The following SMARCA4 variants were observed in gnomAD, a reference collection of about 807,000 sequenced individuals.
The protein encoded by SMARCA4 is SWI/SNF related BAF chromatin remodeling complex subunit ATPase 4.
Under a neutral mutation model 193.9 loss-of-function variants are expected in SMARCA4, and 31 were observed. That is an observed-to-expected ratio of 0.16 (90% CI 0.12 to 0.22). The LOEUF (loss-of-function observed/expected upper bound fraction) is 0.22. Ranked by LOEUF, SMARCA4 falls within the 10% of genes least tolerant of loss-of-function variation. The pLI, the probability that SMARCA4 is intolerant of heterozygous loss-of-function variation, is 1.00. For synonymous variants in SMARCA4, 942 were observed against 933.1 expected (o/e 1.01, Z -0.17); for missense variants, 1,148 against 2,296.0 (o/e 0.50, Z 10.22).
intron 1 of SMARCA4, among the ~76,000 whole-genome samples, chr19:10,980,379 C>T (rs1029310103): frequency 2.6e-5 from 4 of 152,070 alleles, no homozygotes; most frequent in Admixed American, 1.3e-4. Flanking sequence ...TCTGTTTTTC[C>T]GTTGACAAAG....
In SMARCA4 at chr19:10,964,106, T is replaced by C. The variant is rs112572648; in HGVS notation, c.-32+2932T>C. ...AGAATTGTGATATAGGGCAGTGCAG[T>C]GGTCTCTAAACTTCTTGTCAGTGAG... On this transcript the variant is annotated intron_variant, in intron 1 of 34. Transcript: ENST00000344626. Among the ~76,000 whole-genome samples the C allele has an allele frequency of 3.7e-3, 561 of 152,228 alleles. 7 individuals carry two copies. Among genetic ancestry groups the C allele is most frequent in the African/African-American group, 0.013 (522 of 41,534 alleles).
chr19:10,989,250 A>C (rs1316467500), intron 6 of SMARCA4, 67 bp from the exon 7 acceptor site: 1 of 1,602,074 alleles, frequency 6.2e-7, no homozygotes, highest in African/African-American at 1.3e-5. Context: ...GGTCCCCTGC[A>C]GCTCCAGCTG....
At chr19:11,012,717 C>G (rs1056685463) in intron 15 of SMARCA4, 4 of 578,604 alleles carry the variant, frequency 6.9e-6, no homozygotes, top group African/African-American at 1.8e-5. Flanking sequence ...TCACACGTGT[C>G]CATCGTTCGC....
chr19:11,035,415 C>T (rs1367719337), intron 29 of SMARCA4, among the ~76,000 whole-genome samples: 1 of 152,222 alleles, frequency 6.6e-6, no homozygotes, highest in African/African-American at 2.4e-5. Flanking sequence ...TACCTCTTCC[C>T]GAGGTTAAAA....
intron 11 of SMARCA4, among the ~76,000 whole-genome samples, chr19:11,001,340 G>A (rs978266495): frequency 1.3e-5 from 2 of 152,222 alleles, no homozygotes; most frequent in Admixed American, 6.5e-5. Flanking sequence ...ATGGTGGTGT[G>A]CACTTGCGGT....
rs754815286 is a variant in SMARCA4, at chr19:10,984,358, G to T, written c.207G>T (p.Met69Ile). ...CTGGAGGGTACCCTCAGGACAACATGCACCAGATGCACAAGGTAGGGATCC... is the reference window on the plus strand; with the variant it reads ...CTGGAGGGTACCCTCAGGACAACATTCACCAGATGCACAAGGTAGGGATCC... ...QGPGGYPQDN[M>I]HQMHKPMESM... Residue 69 changes from methionine to isoleucine, a missense_variant, in exon 2 of 35, where the codon ATG becomes ATT. Around this residue, in one of 17 missense-constraint regions of SMARCA4, gnomAD observed 201 missense variants for 248.3 expected, o/e 0.81. Coordinates refer to ENST00000344626, the MANE Select transcript of SMARCA4 (RefSeq NM_003072.5). This position sits in a 1 kb window ranked among gnomAD's most constrained non-coding sequence, Gnocchi z 4.3. The T allele has an allele frequency of 6.9e-6, 11 of 1,589,492 alleles. No homozygotes were observed. The highest frequency in any genetic ancestry group is 9.4e-6 in the Non-Finnish European group (11 of 1,167,856).
chr19:11,061,198 A>AT (rs1265933150), intron 34 of SMARCA4, among the ~76,000 whole-genome samples: 19 of 76,216 alleles, frequency 2.5e-4, no homozygotes, highest in Admixed American at 4.5e-4. Flanking sequence ...TAAAAAAAAA[A>AT]AAAAAAATAT....
At position 11,017,348 on chromosome 19, in the gene SMARCA4, A is replaced by C. The variant is rs535223437; in HGVS notation, c.2439-1609A>C. Among the ~76,000 whole-genome samples the C allele has an allele frequency of 2.2e-4, 34 of 152,334 alleles. No individual in the cohort carries two copies. The South Asian group carries it at 4.3e-3, about 19-fold the overall frequency. ...AGTCAGATTCCATTTCCAGGGTGATAGAGGTCACCTTCTTCCCCTACTTCA... is the reference window on the plus strand; with the variant it reads ...AGTCAGATTCCATTTCCAGGGTGATCGAGGTCACCTTCTTCCCCTACTTCA... On this transcript the variant is annotated intron_variant, in intron 16 of 34. Transcript: ENST00000344626.
At chr19:11,014,785 C>T (rs1276637999) in intron 16 of SMARCA4, among the ~76,000 whole-genome samples, 2 of 152,004 alleles carry the variant, frequency 1.3e-5, no homozygotes, top group African/African-American at 4.8e-5. Context: ...TTTTTTTAAA[C>T]TTTTCATTTT....
At chr19:11,007,258 C>T (rs568172069) in intron 13 of SMARCA4, among the ~76,000 whole-genome samples, 4 of 152,006 alleles carry the variant, frequency 2.6e-5, no homozygotes, top group South Asian at 2.1e-4. Flanking sequence ...AGTGAAACCC[C>T]GTCTCTACTA....
Position 10,984,216 on chromosome 19 carries a change from C to T in SMARCA4, c.65C>T (p.Pro22Leu), listed in dbSNP as rs1227659334. The T allele has an allele frequency of 6.2e-7, 1 of 1,612,622 alleles. No individual in the cohort carries two copies. The highest frequency in any genetic ancestry group is 1.3e-5 in the African/African-American group (1 of 74,910). Residue 22 changes from proline (P) to leucine (L), a missense_variant, in exon 2 of 35, where the codon CCT becomes CTT. Pro to Leu is a moderately conservative substitution (Grantham distance 98, BLOSUM62 -3). Transcript: ENST00000344626. The surrounding 1 kb of genome is among the most constrained non-coding windows in gnomAD (Gnocchi z 4.3). ...PRPGPSPGPG[P>L]SPGAMLGPSP... The stretch of plus-strand genomic sequence containing the variant: ...CCAGGTCCTTCCCCGGGCCCTGGCC[C>T]TTCCCCTGGAGCCATGCTGGGCCCT...
At position 11,041,104 on chromosome 19, in the gene SMARCA4, G is replaced by T; in HGVS notation, c.4171-203G>T. On this transcript the variant is annotated intron_variant, in intron 29 of 34. Coordinates refer to ENST00000344626, the MANE Select transcript of SMARCA4 (RefSeq NM_003072.5). The surrounding 1 kb of genome is among the most constrained non-coding windows in gnomAD (Gnocchi z 5.6). Reference sequence around the variant, plus strand: ...GACAAGCTTGGGTGGGGTGCCTGCTGGGGGCAGTGCTGGTCTTTCACTGCA... The same window carrying T: ...GACAAGCTTGGGTGGGGTGCCTGCTTGGGGCAGTGCTGGTCTTTCACTGCA... 1 of 577,476 alleles carries T rather than the reference G, an allele frequency of 1.7e-6. No homozygotes were observed. Among genetic ancestry groups the T allele is most frequent in the East Asian group, 2.8e-5 (1 of 35,184 alleles). The allele number at this position is 577,476 out of a possible 1,614,324, so 35.8% of individuals were successfully genotyped here.
At chr19:11,037,603 C>T (rs1034692516) in intron 29 of SMARCA4, among the ~76,000 whole-genome samples, 8 of 152,126 alleles carry the variant, frequency 5.3e-5, no homozygotes, top group Non-Finnish European at 1.0e-4. Flanking sequence ...TTTTCGCTTC[C>T]GTGATATCCG....
chr19:10,992,245 G>A (rs2086623317), intron 8 of SMARCA4, among the ~76,000 whole-genome samples: 1 of 151,266 alleles, frequency 6.6e-6, no homozygotes, highest in South Asian at 2.1e-4. Context: ...CCTAGTAGCT[G>A]GGATTACAGG....
intron 29 of SMARCA4, chr19:11,040,008 A>T (rs2065821290): frequency 6.6e-6 from 1 of 152,242 alleles, no homozygotes; most frequent in African/African-American, 2.4e-5. Flanking sequence ...TTGAACCAGG[A>T]AGGTGGAGGT....
chr19:11,017,997 C>T (rs759457386), intron 16 of SMARCA4, among the ~76,000 whole-genome samples: 1 of 152,254 alleles, frequency 6.6e-6, no homozygotes, highest in Non-Finnish European at 1.5e-5. Flanking sequence ...CACGCTTCTT[C>T]AGGAACTCTC....
Position 10,987,230 on chromosome 19 carries a change from G to C in SMARCA4, c.859+227G>C, listed in dbSNP as rs890670839. Among the ~76,000 whole-genome samples the C allele has an allele frequency of 2.6e-5, 4 of 152,174 alleles. No individual in the cohort carries two copies. Among genetic ancestry groups the C allele is most frequent in the Non-Finnish European group, 4.4e-5 (3 of 68,024 alleles). On this transcript the variant is annotated intron_variant, in intron 5 of 34. Transcript: ENST00000344626. The surrounding 1 kb of genome is among the most constrained non-coding windows in gnomAD (Gnocchi z 5.3). ...CTTGTGGCCTTCACCCAGTCCCTGAGCCCTGTATATGTAATTGCTCAGTAA... is the reference window on the plus strand; with the variant it reads ...CTTGTGGCCTTCACCCAGTCCCTGACCCCTGTATATGTAATTGCTCAGTAA...
chr19:10,964,837 T>C lies in SMARCA4; in HGVS notation c.-32+3663T>C, dbSNP rs115931760. On this transcript the variant is annotated intron_variant, in intron 1 of 34. Coordinates refer to ENST00000344626, the MANE Select transcript of SMARCA4 (RefSeq NM_003072.5). ...TCACCATGTTGGCCAGAACTCCTGG[T>C]CTCGAACTCCTGGCCTCCTGTAATC... is the stretch of plus-strand genomic sequence containing the variant. 2.4e-3 allele frequency among the ~76,000 whole-genome samples: 358 copies of C among 152,038 alleles called. 3 individuals carry two copies. Among genetic ancestry groups the C allele is most frequent in the African/African-American group, 8.2e-3 (339 of 41,434 alleles).
At chr19:11,055,755 C>CT (rs3837950) in intron 30 of SMARCA4, among the ~76,000 whole-genome samples, 5 of 151,718 alleles carry the variant, frequency 3.3e-5, no homozygotes, top group Non-Finnish European at 7.4e-5. Flanking sequence ...ACAAAACTGG[C>CT]TTTTTTTTCC....
Sources: gnomAD v4.1 joint callset for allele counts (sites outside exome capture counted in the v4.1 genomes callset) on GRCh38, gnomAD v4.1.1 for gene constraint, gnomAD v4.1.1 regional missense constraint, Gnocchi (gnomAD v3.1) non-coding constraint, MANE v1.5 for transcripts, NCBI Gene and HGNC (gene_info 2026-07-23, HGNC 2026-07-21) for gene names.